The following TANC1 variants were observed in gnomAD, a reference collection of about 807,000 sequenced individuals.
TANC1 encodes the protein tetratricopeptide repeat, ankyrin repeat and coiled-coil containing 1.
TANC1 carries 77 observed loss-of-function variants against 149.7 expected under a neutral mutation model. The observed-to-expected ratio is 0.51, with a 90% CI of 0.43 to 0.62. TANC1 has a LOEUF of 0.62. Ranked by LOEUF, TANC1 falls within the 20% of genes least tolerant of loss-of-function variation. The pLI is 0.00. For synonymous variants in TANC1, 854 were observed against 925.0 expected (o/e 0.92, Z 1.39); for missense variants, 1,985 against 2,321.8 (o/e 0.85, Z 2.98).
chr2:159,099,439 T>C (rs575633531), intron 4 of TANC1, among the ~76,000 whole-genome samples: 162 of 152,246 alleles, frequency 1.1e-3, no homozygotes, highest in Non-Finnish European at 1.7e-3. Flanking sequence ...GTTTTACTTT[T>C]TCTTTATTAT....
intron 3 of TANC1, among the ~76,000 whole-genome samples, chr2:159,068,927 A>AT (rs2042904754): frequency 6.6e-6 from 1 of 152,142 alleles, no homozygotes; most frequent in Admixed American, 6.6e-5. Flanking sequence ...TTTGGTAGAC[A>AT]TGGGGGTTTC....
At chr2:159,080,989 G>A (rs1220056288) in intron 3 of TANC1, among the ~76,000 whole-genome samples, 3 of 152,146 alleles carry the variant, frequency 2.0e-5, no homozygotes, top group Admixed American at 6.5e-5. Context: ...ACTCCACCTC[G>A]GGCTCCCTGT....
Position 159,019,279 on chromosome 2 carries a change from C to T in TANC1, c.-16+18090C>T, listed in dbSNP as rs184294152. 4.5e-3 allele frequency among the ~76,000 whole-genome samples: 688 copies of T among 152,290 alleles called. 5 individuals are homozygous for T. The highest frequency in any genetic ancestry group is 0.015 in the African/African-American group (642 of 41,564). ...CACGCAGTGAGCTGAAGGAAGCAGC[C>T]AGCGATCTTCAGCCCGTGTTAGGAG... On this transcript the variant is annotated intron_variant, in intron 2 of 26. Coordinates refer to ENST00000263635, the MANE Select transcript of TANC1 (RefSeq NM_033394.3).
chr2:159,214,180 T>C (rs114292281), intron 19 of TANC1, among the ~76,000 whole-genome samples: 1,344 of 67,318 alleles, frequency 0.02, 17 homozygotes, highest in Non-Finnish European at 0.029. Flanking sequence ...GGTGGTTGGG[T>C]GGGGGGTGGG....
intron 1 of TANC1, among the ~76,000 whole-genome samples, chr2:159,000,530 C>T (rs2036531109): frequency 6.6e-6 from 1 of 151,936 alleles, no homozygotes; most frequent in African/African-American, 2.4e-5. Flanking sequence ...TTTCTGTGGT[C>T]TTTCGGGCCC....
chr2:159,041,366 T>G (rs2040614833), intron 2 of TANC1, among the ~76,000 whole-genome samples: 1 of 152,228 alleles, frequency 6.6e-6, no homozygotes, highest in East Asian at 1.9e-4. Flanking sequence ...CTGCCTTTTT[T>G]TCAGCTGTGC....
At chr2:159,019,651 C>CTGT (rs2038621731) in intron 2 of TANC1, among the ~76,000 whole-genome samples, 1 of 61,280 alleles carries the variant, frequency 1.6e-5, no homozygotes, top group African/African-American at 5.8e-5. Flanking sequence ...TGCTTTCTTT[C>CTGT]TGTTTTTTTT....
At chr2:159,055,318 G>A (rs1447172774) in intron 2 of TANC1, among the ~76,000 whole-genome samples, 1 of 152,190 alleles carries the variant, frequency 6.6e-6, no homozygotes, top group East Asian at 1.9e-4. Context: ...TTAGCTGCAT[G>A]GCTACTGGGT....
At chr2:159,146,540 T>C (rs2052116552) in intron 5 of TANC1, among the ~76,000 whole-genome samples, 1 of 141,244 alleles carries the variant, frequency 7.1e-6, no homozygotes, top group African/African-American at 2.6e-5. Flanking sequence ...CTTTTCCTTT[T>C]TTTTTTTTTT....
At chr2:159,193,412 T>C (rs2057611719) in intron 16 of TANC1, among the ~76,000 whole-genome samples, 1 of 152,270 alleles carries the variant, frequency 6.6e-6, no homozygotes, top group Non-Finnish European at 1.5e-5. Flanking sequence ...TGAATAATGC[T>C]GCAATTAACA....
Position 159,217,622 on chromosome 2 carries a change from C to A in TANC1, c.3370C>A (p.His1124Asn). Residue 1124 changes from histidine to asparagine, a missense_variant, in exon 20 of 27, where the codon CAT (histidine) becomes AAT (asparagine). His to Asn is a moderately conservative substitution (Grantham distance 68, BLOSUM62 1). Transcript: ENST00000263635. ...PPLFCAARQG[H>N]WQIVRLLLER... ...TTTGTTTTGTGCAGCACGCCAGGGG[C>A]ATTGGCAGGTACCCAGGGGGCCCCT... 6.2e-7 allele frequency: 1 copy of A among 1,614,048 alleles called. No homozygotes were observed. The highest frequency in any genetic ancestry group is 8.5e-7 in the Non-Finnish European group (1 of 1,180,000).
chr2:158,977,644 C>T (rs936293230), intron 1 of TANC1, among the ~76,000 whole-genome samples: 1 of 150,552 alleles, frequency 6.6e-6, no homozygotes, highest in Non-Finnish European at 1.5e-5. Context: ...GATAGTCCTG[C>T]GTGATCAAAA....
At chr2:159,095,991 G>GTA (rs1335848487) in intron 3 of TANC1, among the ~76,000 whole-genome samples, 1 of 151,890 alleles carries the variant, frequency 6.6e-6, no homozygotes, top group African/African-American at 2.4e-5. Flanking sequence ...GTCTTTGATT[G>GTA]TGTGTGTGTA....
intron 19 of TANC1, among the ~76,000 whole-genome samples, chr2:159,199,563 A>G (rs555457200): frequency 6.6e-6 from 1 of 152,220 alleles, no homozygotes; most frequent in Non-Finnish European, 1.5e-5. Flanking sequence ...GGTCATTTCC[A>G]TTGGTCTTTA....
chr2:159,042,423 A>G (rs28506821), intron 2 of TANC1, among the ~76,000 whole-genome samples: 1 of 152,138 alleles, frequency 6.6e-6, no homozygotes, highest in Non-Finnish European at 1.5e-5. Context: ...GACACTTCCC[A>G]GGGAGATAGG....
At chr2:159,089,440 G>A (rs983985922) in intron 3 of TANC1, among the ~76,000 whole-genome samples, 2 of 152,070 alleles carry the variant, frequency 1.3e-5, no homozygotes, top group African/African-American at 4.8e-5. Context: ...CTCCTTGAGC[G>A]GCTGTTCCCC....
intron 8 of TANC1, among the ~76,000 whole-genome samples, chr2:159,168,000 G>C (rs1435202675): frequency 6.6e-6 from 1 of 152,108 alleles, no homozygotes; most frequent in Non-Finnish European, 1.5e-5. Flanking sequence ...GTGCTAAGAA[G>C]GCTTTACCCA....
Position 159,058,257 on chromosome 2 carries a change from G to T in TANC1, c.-15-7639G>T, listed in dbSNP as rs373706177. Among the ~76,000 whole-genome samples the T allele has an allele frequency of 3.3e-5, 5 of 152,306 alleles. No individual in the cohort carries two copies. In the East Asian group the frequency reaches 9.6e-4, roughly 29 times the overall value. On this transcript the variant is annotated intron_variant, in intron 2 of 26. Coordinates refer to ENST00000263635, the MANE Select transcript of TANC1 (RefSeq NM_033394.3). ...CAAATAAAACCTACCTGCAGCCAGT[G>T]CTTCTGAAAGCCTGTTATTTGAACA... is the stretch of plus-strand genomic sequence containing the variant.
At chr2:158,975,932 C>G (rs1219266048) in intron 1 of TANC1, among the ~76,000 whole-genome samples, 1 of 151,168 alleles carries the variant, frequency 6.6e-6, no homozygotes, top group East Asian at 2.0e-4. Context: ...CTCCTGGGCT[C>G]AAGTGATCCT....
Sources: gnomAD v4.1 joint callset for allele counts (sites outside exome capture counted in the v4.1 genomes callset) on GRCh38, gnomAD v4.1.1 for gene constraint, MANE v1.5 for transcripts, NCBI Gene and HGNC (gene_info 2026-07-23, HGNC 2026-07-21) for gene names.